Variants in HNRNPA1 observed in about 807,000 individuals in gnomAD.
HNRNPA1 encodes the protein heterogeneous nuclear ribonucleoprotein A1.
A neutral mutation model predicts 44.4 loss-of-function variants in HNRNPA1; 7 were observed. That is an observed-to-expected ratio of 0.16 (90% CI 0.09 to 0.30). The LOEUF (loss-of-function observed/expected upper bound fraction) is 0.30, where lower values mean the gene tolerates loss of function less well. HNRNPA1 is among the 10% of genes least tolerant of loss of function. The pLI, the probability that HNRNPA1 is intolerant of heterozygous loss-of-function variation, is 1.00. For missense variants in HNRNPA1, 193 were observed against 465.8 expected (o/e 0.41, Z 5.39); for synonymous variants, 169 against 160.6 (o/e 1.05, Z -0.40).
In HNRNPA1 at chr12:54,282,855, T is replaced by C. The variant is rs1304087832; in HGVS notation, c.732T>C (p.Tyr244=). 3 of 1,551,018 alleles carry C rather than the reference T, an allele frequency of 1.9e-6. No individual in the cohort carries two copies. The highest frequency in any genetic ancestry group is 2.0e-5 in the Admixed American group (1 of 50,898). Residue 244 remains tyrosine, a synonymous_variant, in exon 7 of 11, where the codon TAT becomes TAC. Coordinates refer to ENST00000340913, the MANE Select transcript of HNRNPA1 (RefSeq NM_031157.4). The part of the protein sequence containing the change: ...GGGYGGSGDG[Y]NGFGNDGGYG... Reference sequence around the variant, plus strand: ...GATATGGTGGCAGTGGGGATGGCTATAATGGATTTGGTAATGATGGTAAGT... The same window carrying C: ...GATATGGTGGCAGTGGGGATGGCTACAATGGATTTGGTAATGATGGTAAGT...
intron 9 of HNRNPA1, 43 bp downstream of exon 9, chr12:54,284,010 T>G: frequency 6.3e-7 from 1 of 1,595,342 alleles, no homozygotes. Context: ...AAAGAGTGTC[T>G]GTAGCTACTG....
chr12:54,281,727 T>C, intron 2 of HNRNPA1, 68 bp from the exon 3 acceptor site: 1 of 1,514,164 alleles, frequency 6.6e-7, no homozygotes, highest in Non-Finnish European at 8.9e-7. Context: ...TATTGCCCTA[T>C]TCAAAGTTAA....
rs186219876 is a variant in HNRNPA1, at chr12:54,281,040, C to T, written c.15+218C>T. On this transcript the variant is annotated intron_variant, in intron 1 of 10. Coordinates refer to ENST00000340913, the MANE Select transcript of HNRNPA1 (RefSeq NM_031157.4). ...GAGTTATCATGCGGGACTCGTTACT[C>T]GTAGCAAAATTCTTAGGCACACAGG... 4.1e-5 allele frequency: 29 copies of T among 710,174 alleles called. No individual in the cohort carries two copies. The East Asian group carries it at 5.6e-4, about 14-fold the overall frequency. The allele number at this position is 710,174 out of a possible 1,614,324, so 44.0% of individuals were successfully genotyped here.
intron 6 of HNRNPA1, 67 bp from the exon 7 acceptor site, chr12:54,282,733 G>T: frequency 6.3e-7 from 1 of 1,587,606 alleles, no homozygotes; most frequent in South Asian, 1.1e-5. Context: ...TTTACAGTAC[G>T]GGAACTGCAT....
In HNRNPA1 at chr12:54,284,317, G is replaced by A. The variant is rs764587450; in HGVS notation, c.*4G>A. 1 of 1,613,488 alleles carries A rather than the reference G, an allele frequency of 6.2e-7. No homozygotes were observed. Among genetic ancestry groups the A allele is most frequent in the South Asian group, 1.1e-5 (1 of 90,982 alleles). On this transcript the variant is annotated splice_region_variant and 3_prime_UTR_variant, in exon 10 of 11. Transcript: ENST00000340913. ...TGGCAGTGGCAGAAGATTTTAATTA[G>A]GTAAGTAAGCACCTTTTTGTGTGTT...
intron 8 of HNRNPA1, among the ~76,000 whole-genome samples, chr12:54,283,541 C>G (rs1009715047): frequency 6.6e-6 from 1 of 152,012 alleles, no homozygotes; most frequent in Non-Finnish European, 1.5e-5. Flanking sequence ...GCCCTGGATC[C>G]GTGAAGGCCT....
chr12:54,281,123 TC>T, intron 1 of HNRNPA1: 1 of 700,044 alleles, frequency 1.4e-6, no homozygotes, highest in African/African-American at 1.7e-5. Context: ...GAGCGATTAG[TC>T]CCATTGTGGA....
intron 6 of HNRNPA1, 66 bp downstream of exon 6, chr12:54,282,731 A>G (rs777955997): frequency 5.6e-5 from 89 of 1,589,368 alleles, no homozygotes; most frequent in Non-Finnish European, 7.2e-5. Context: ...ATTTTACAGT[A>G]CGGGAACTGC....
At position 54,284,697 on chromosome 12, in the gene HNRNPA1, G is replaced by C; in HGVS notation, c.*153G>C. On this transcript the variant is annotated 3_prime_UTR_variant, in exon 11 of 11. Transcript: ENST00000340913. ...TTTAGACAAATACTCATGTGTATGGGCAAAAAACTCGAGGACTGTATTTGT... is the reference window on the plus strand; with the variant it reads ...TTTAGACAAATACTCATGTGTATGGCCAAAAAACTCGAGGACTGTATTTGT... 2.1e-6 allele frequency: 1 copy of C among 479,778 alleles called. No homozygotes were observed. Among genetic ancestry groups the C allele is most frequent in the Non-Finnish European group, 4.1e-6 (1 of 245,952 alleles). The allele number at this position is 479,778 out of a possible 1,614,324, so 29.7% of individuals were successfully genotyped here. A position where few individuals can be genotyped will look rare whatever the true frequency, so the allele number is the denominator to read the frequency against.
Position 54,280,744 on chromosome 12 carries a change from G to A in HNRNPA1, c.-64G>A, listed in dbSNP as rs369173601. On this transcript the variant is annotated 5_prime_UTR_variant, in exon 1 of 11. Coordinates refer to ENST00000340913, the MANE Select transcript of HNRNPA1 (RefSeq NM_031157.4). Reference sequence around the variant, plus strand: ...GGCTGGCAGATACGTTCGTCAGCTTGCTCCTTTCTGCCCGTGGACGCCGCC... The same window carrying A: ...GGCTGGCAGATACGTTCGTCAGCTTACTCCTTTCTGCCCGTGGACGCCGCC... 7.9e-5 allele frequency: 127 copies of A among 1,597,602 alleles called. No individual in the cohort carries two copies. The African/African-American group carries it at 1.5e-3, about 18-fold the overall frequency.
chr12:54,283,346 CAA>C, intron 8 of HNRNPA1, 112 bp downstream of exon 8: 1 of 1,235,656 alleles, frequency 8.1e-7, no homozygotes, highest in Non-Finnish European at 1.1e-6. Context: ...ATATTAAAAA[CAA>C]ATGGGCTTGC....
chr12:54,283,121 G>A lies in HNRNPA1; in HGVS notation c.794G>A (p.Arg265Lys), dbSNP rs571296677. Residue 265 changes from arginine to lysine, a missense_variant, in exon 8 of 11, where the codon AGA (arginine) becomes AAA (lysine). Physicochemically the swap from Arg to Lys is conservative, Grantham distance 26 (BLOSUM62 2). Transcript: ENST00000340913. ...GGCCCTGGTTACTCTGGAGGAAGCA[G>A]AGGCTATGGAAGTGGTGGACAGGGT... ...GGGPGYSGGS[R>K]GYGSGGQGYG... 3.7e-6 allele frequency: 6 copies of A among 1,613,654 alleles called. No homozygotes were observed. The Admixed American group carries it at 6.7e-5, about 18-fold the overall frequency.
chr12:54,283,610 G>A, intron 8 of HNRNPA1: 1 of 622,762 alleles, frequency 1.6e-6, no homozygotes, highest in Non-Finnish European at 2.8e-6. Flanking sequence ...ATGTCATGGT[G>A]AGTTAGGCCA....
At position 54,283,353 on chromosome 12, in the gene HNRNPA1, G is replaced by T. The variant is rs1161833351; in HGVS notation, c.907+119G>T. 8 of 1,115,686 alleles carry T rather than the reference G, an allele frequency of 7.2e-6. No homozygotes were observed. The African/African-American group carries it at 1.2e-4, about 17-fold the overall frequency. 69.1% of individuals were successfully genotyped at this position (1,115,686 alleles called of 1,614,324 possible). On this transcript the variant is annotated intron_variant, in intron 8 of 10. Coordinates refer to ENST00000340913, the MANE Select transcript of HNRNPA1 (RefSeq NM_031157.4). ...TGCATGGTATATTAAAAACAAATGG[G>T]CTTGCTATGCTACCTCCTCCTAGCT...
Position 54,280,829 on chromosome 12 carries a change from T to G in HNRNPA1, c.15+7T>G. 1 of 1,614,190 alleles carries G rather than the reference T, an allele frequency of 6.2e-7. No individual in the cohort carries two copies. Among genetic ancestry groups the G allele is most frequent in the South Asian group, 1.1e-5 (1 of 91,078 alleles). On this transcript the variant is annotated splice_region_variant and intron_variant, in intron 1 of 10. Transcript: ENST00000340913. Reference sequence around the variant, plus strand: ...CGTCATGTCTAAGTCAGAGGTGAGTTAGGCGCGCTTTCCCACTTGAATTTT... The same window carrying G: ...CGTCATGTCTAAGTCAGAGGTGAGTGAGGCGCGCTTTCCCACTTGAATTTT...
intron 3 of HNRNPA1, 62 bp from the exon 4 acceptor site, chr12:54,282,028 C>G: frequency 5.6e-6 from 9 of 1,598,316 alleles, no homozygotes; most frequent in Non-Finnish European, 7.7e-6. Flanking sequence ...TCTAAACTTA[C>G]CAAAATTTTT....
rs753930231 is a variant in HNRNPA1 at position 54,282,533 on chromosome 12, C to G, written c.584-40C>G. The G allele has an allele frequency of 1.1e-5, 18 of 1,607,336 alleles. 1 individual carries two copies. In the South Asian group the frequency reaches 1.5e-4, roughly 14 times the overall value. The stretch of plus-strand genomic sequence containing the variant: ...ACCTTAAAGGTAACTTTGAGTTACT[C>G]CAGTATGAATGATTTAATGCTTAAA... On this transcript the variant is annotated intron_variant, in intron 5 of 10. Transcript: ENST00000340913.
In HNRNPA1 at chr12:54,286,889, A is replaced by G. The variant is rs143091756; in HGVS notation, c.*2345A>G. 3.2e-4 allele frequency: 48 copies of G among 152,360 alleles called. No individual in the cohort carries two copies. The highest frequency in any genetic ancestry group is 1.1e-3 in the African/African-American group (46 of 41,584). 9.4% of individuals were successfully genotyped at this position (152,360 alleles called of 1,614,324 possible). A position where few individuals can be genotyped will look rare whatever the true frequency, so the allele number is the denominator to read the frequency against. ...GGTATTCCCAGTAGTGACAGTGGATATAACTGTGTAGTCATTCACCTCTGC... is the reference window on the plus strand; with the variant it reads ...GGTATTCCCAGTAGTGACAGTGGATGTAACTGTGTAGTCATTCACCTCTGC... On this transcript the variant is annotated 3_prime_UTR_variant, in exon 11 of 11. Coordinates refer to ENST00000340913, the MANE Select transcript of HNRNPA1 (RefSeq NM_031157.4).
chr12:54,282,817 C>CGTG lies in HNRNPA1; in HGVS notation c.705_707dup (p.Gly236dup). Reference sequence around the variant, plus strand: ...TCTTACAGGTGGCTTTGGTGGCAGCCGTGGTGGTGGTGGATATGGTGGCAG... The same window carrying CGTG: ...TCTTACAGGTGGCTTTGGTGGCAGCCGTGGTGGTGGTGGTGGATATGGTGGCAG... On this transcript the variant is annotated inframe_insertion, in exon 7 of 11. Transcript: ENST00000340913. 1.3e-6 allele frequency: 2 copies of CGTG among 1,551,628 alleles called. No individual in the cohort carries two copies. Among genetic ancestry groups the CGTG allele is most frequent in the South Asian group, 2.4e-5 (2 of 84,078 alleles).
Sources: gnomAD v4.1 joint callset for allele counts (sites outside exome capture counted in the v4.1 genomes callset) on GRCh38, gnomAD v4.1.1 for gene constraint, MANE v1.5 for transcripts, NCBI Gene and HGNC (gene_info 2026-07-23, HGNC 2026-07-21) for gene names.